The following C6 variants were observed in gnomAD, a reference collection of about 807,000 sequenced individuals.
C6 encodes the protein complement component C6.
C6 carries 101 observed loss-of-function variants against 112.9 expected under a neutral mutation model. The observed-to-expected ratio is 0.89, with a 90% CI of 0.76 to 1.06. The LOEUF (loss-of-function observed/expected upper bound fraction) is 1.06, where lower values mean the gene tolerates loss of function less well. Ranked by LOEUF, C6 falls within the 50% of genes least tolerant of loss-of-function variation. The probability of loss-of-function intolerance (pLI) is 0.00; values close to 1 mark genes in which losing one functional copy is unlikely to be tolerated. For synonymous variants in C6, 431 were observed against 384.1 expected (o/e 1.12, Z -1.43); for missense variants, 1,202 against 1,104.6 (o/e 1.09, Z -1.25).
In C6 at chr5:41,221,127, C is replaced by A. The variant is rs114801805; in HGVS notation, c.-20-17877G>T. Reference sequence around the variant, plus strand: ...CTGCAGTTTTCTTTCTAGTACCAGTCACTTTAAAATTAGAGCTGTTTTATT... The same window carrying A: ...CTGCAGTTTTCTTTCTAGTACCAGTAACTTTAAAATTAGAGCTGTTTTATT... On this transcript the variant is annotated intron_variant, in intron 1 of 17. Coordinates refer to the C6 transcript ENST00000263413. 7.1e-3 allele frequency among the ~76,000 whole-genome samples: 1,075 copies of A among 151,682 alleles called. 6 individuals are homozygous for A. The highest frequency in any genetic ancestry group is 0.011 in the Admixed American group (172 of 15,226).
chr5:41,176,369 G>A (rs887501168), intron 8 of C6, 106 bp downstream of exon 8: 3 of 1,122,776 alleles, frequency 2.7e-6, no homozygotes, highest in Non-Finnish European at 2.6e-6. Flanking sequence ...AAATAAAGCA[G>A]GATCTAAATA....
chr5:41,155,280 T>A (rs1746789581), intron 13 of C6, among the ~76,000 whole-genome samples, 176 bp from the exon 14 acceptor site: 1 of 152,230 alleles, frequency 6.6e-6, no homozygotes, highest in Non-Finnish European at 1.5e-5. Context: ...GCCATCATTG[T>A]TTTTCTTCAT....
chr5:41,256,123 A>C (rs1010566848), intron 1 of C6, among the ~76,000 whole-genome samples: 1 of 152,038 alleles, frequency 6.6e-6, no homozygotes, highest in Non-Finnish European at 1.5e-5. Context: ...TGAACTCATC[A>C]TTTTTTATGG....
At chr5:41,161,647 A>G in intron 10 of C6, 46 bp downstream of exon 10, 1 of 1,512,522 alleles carries the variant, frequency 6.6e-7, no homozygotes, top group Non-Finnish European at 9.2e-7. Context: ...TTGGGCTGCT[A>G]GAGAACTACT....
chr5:41,216,379 T>C (rs992451512), upstream of C6, among the ~76,000 whole-genome samples: 2 of 152,108 alleles, frequency 1.3e-5, no homozygotes, highest in African/African-American at 4.8e-5. Flanking sequence ...CTTAGGAAAT[T>C]CCTCTTCTGC....
At position 41,168,820 on chromosome 5, in the gene C6, C is replaced by T. The variant is rs142688751; in HGVS notation, c.1291+3405G>A. On this transcript the variant is annotated intron_variant, in intron 9 of 17. Coordinates refer to ENST00000337836, the MANE Select transcript of C6 (RefSeq NM_000065.5). ...ATTTTTATCTTTTACTTCCAGTTCCCTGTGAACTTTTTGAAGTCCTCTCAT... is the reference window on the plus strand; with the variant it reads ...ATTTTTATCTTTTACTTCCAGTTCCTTGTGAACTTTTTGAAGTCCTCTCAT... Among the ~76,000 whole-genome samples the T allele has an allele frequency of 2.2e-3, 336 of 152,218 alleles. 8 individuals carry two copies. The highest frequency in any genetic ancestry group is 0.019 in the Admixed American group (285 of 15,274).
rs372714333 is a variant in C6 at position 41,176,470 on chromosome 5, G to T, written c.1168+5C>A. 1.6e-5 allele frequency: 26 copies of T among 1,612,848 alleles called. No individual in the cohort carries two copies. The highest frequency in any genetic ancestry group is 1.6e-4 in the Middle Eastern group (1 of 6,064). ...TTAAAAAGAGTGAGGACTGAAGAAA[G>T]TTACCTGAGTTCTTTAGTTCCTCAC... On this transcript the variant is annotated splice_donor_5th_base_variant and intron_variant, in intron 8 of 17. Transcript: ENST00000337836.
Position 41,203,174 on chromosome 5 carries a change from G to T in C6, c.57C>A (p.Gly19=). 3.1e-6 allele frequency: 5 copies of T among 1,614,030 alleles called. No individual in the cohort carries two copies. Among genetic ancestry groups the T allele is most frequent in the Non-Finnish European group, 3.4e-6 (4 of 1,179,960 alleles). Reference sequence around the variant, plus strand: ...CATAGTGATCACAGAAGCAGGCTTGGCCCTTGTTGATCAGAGCATTCAGCA... The same window carrying T: ...CATAGTGATCACAGAAGCAGGCTTGTCCCTTGTTGATCAGAGCATTCAGCA... ...FILLNALINK[G]QACFCDHYAW... The change falls in exon 2 of 18, where the codon GGC becomes GGA. Residue 19 remains glycine (G), a synonymous_variant. Coordinates refer to ENST00000337836, the MANE Select transcript of C6 (RefSeq NM_000065.5).
rs771548794 is a variant in C6 at position 41,149,448 on chromosome 5, C to G, written c.2416G>C (p.Asp806His). The change falls in exon 17 of 18, where the codon GAC (aspartate) becomes CAC (histidine). Residue 806 changes from aspartate to histidine, a missense_variant. Transcript: ENST00000337836. ...HSEDLCVFDT[D>H]SNDYFTSPAC... ...GGTGAAGTAAAGTAATCGTTGGAGT[C>G]TGTGTCAAACACACAGAGATCTTCT... The G allele has an allele frequency of 1.9e-6, 3 of 1,614,074 alleles. No homozygotes were observed. The highest frequency in any genetic ancestry group is 2.5e-6 in the Non-Finnish European group (3 of 1,179,970).
intron 1 of C6, among the ~76,000 whole-genome samples, chr5:41,241,566 A>C (rs1330833837): frequency 6.6e-6 from 1 of 152,214 alleles, no homozygotes; most frequent in Non-Finnish European, 1.5e-5. Context: ...GTTGGAGAAC[A>C]AGAAAGCAGC....
At chr5:41,257,593 T>A (rs1410444925) in intron 1 of C6, among the ~76,000 whole-genome samples, 2 of 152,062 alleles carry the variant, frequency 1.3e-5, no homozygotes, top group Non-Finnish European at 2.9e-5. Flanking sequence ...TGTTTGGGAG[T>A]AGGCTTCAGG....
chr5:41,197,975 G>A (rs184858734), intron 4 of C6, among the ~76,000 whole-genome samples: 10 of 152,198 alleles, frequency 6.6e-5, no homozygotes, highest in East Asian at 1.9e-4. Flanking sequence ...GAAATTGCAC[G>A]TTTTTCCTAT....
At chr5:41,157,566 A>AT (rs1019083201) in intron 13 of C6, among the ~76,000 whole-genome samples, 6 of 151,548 alleles carry the variant, frequency 4.0e-5, no homozygotes, top group Admixed American at 1.3e-4. Flanking sequence ...ATAAGACTTT[A>AT]TTTTTTTTTA....
upstream of C6, among the ~76,000 whole-genome samples, chr5:41,215,791 G>GATAATAGAT (rs1323171309): frequency 6.6e-6 from 1 of 152,092 alleles, no homozygotes; most frequent in East Asian, 1.9e-4. Context: ...CTCTTTTAAT[G>GATAATAGAT]ATAATAGATT....
At chr5:41,202,526 T>C (rs1026394055) in intron 2 of C6, among the ~76,000 whole-genome samples, 2 of 152,238 alleles carry the variant, frequency 1.3e-5, no homozygotes, top group Middle Eastern at 3.2e-3. Context: ...ACATTAAATA[T>C]ATGCTTTTCT....
In C6 at chr5:41,142,607, C is replaced by G; in HGVS notation, c.*218G>C. 1 of 581,008 alleles carries G rather than the reference C, an allele frequency of 1.7e-6. No individual in the cohort carries two copies. 36.0% of individuals were successfully genotyped at this position (581,008 alleles called of 1,614,324 possible). A position where few individuals can be genotyped will look rare whatever the true frequency, so the allele number is the denominator to read the frequency against. On this transcript the variant is annotated 3_prime_UTR_variant, in exon 18 of 18. Coordinates refer to ENST00000337836, the MANE Select transcript of C6 (RefSeq NM_000065.5). The stretch of plus-strand genomic sequence containing the variant: ...ACGAGACTGCTGTGGAAGTTGGTAC[C>G]TAGGGGTATGCTACAGGGCGTCATG...
chr5:41,173,380 G>T (rs1287503519), intron 8 of C6, among the ~76,000 whole-genome samples: 1 of 152,196 alleles, frequency 6.6e-6, no homozygotes, highest in Non-Finnish European at 1.5e-5. Flanking sequence ...GTGGAAGAGT[G>T]CAGGGAAACA....
At chr5:41,164,956 T>A (rs1338259665) in intron 9 of C6, among the ~76,000 whole-genome samples, 1 of 152,192 alleles carries the variant, frequency 6.6e-6, no homozygotes, top group Non-Finnish European at 1.5e-5. Context: ...AATAGAACTC[T>A]AGCAACACCG....
At chr5:41,211,047 C>T (rs376737208) in intron 1 of C6, among the ~76,000 whole-genome samples, 6 of 152,286 alleles carry the variant, frequency 3.9e-5, no homozygotes, top group African/African-American at 1.4e-4. Context: ...CCATGGAATA[C>T]TATGTAGCCA....
Sources: gnomAD v4.1 joint callset for allele counts (sites outside exome capture counted in the v4.1 genomes callset) on GRCh38, gnomAD v4.1.1 for gene constraint, MANE v1.5 for transcripts, NCBI Gene and HGNC (gene_info 2026-07-23, HGNC 2026-07-21) for gene names.